The following NACAD variants were observed in gnomAD, a reference collection of about 807,000 sequenced individuals.
NACAD encodes NAC-alpha domain-containing protein 1.
A neutral mutation model predicts 98.9 loss-of-function variants in NACAD; 47 were observed. The ratio of observed to expected loss-of-function variants is 0.48; its 90% CI spans 0.38 to 0.61. NACAD has a LOEUF of 0.61. Ranked by LOEUF, NACAD falls within the 20% of genes least tolerant of loss-of-function variation. The probability of loss-of-function intolerance (pLI) is 0.00; values close to 1 mark genes in which losing one functional copy is unlikely to be tolerated. For missense variants in NACAD, 1,412 were observed against 1,748.2 expected (o/e 0.81, Z 3.43); for synonymous variants, 696 against 767.2 (o/e 0.91, Z 1.53).
chr7:45,082,377 AGAGAGC>A lies in NACAD; in HGVS notation c.3797_3802del (p.Gly1266_Leu1268delinsVal). ...TCCTGCCTGGGGCGGTGGGAGGCCC[AGAGAGC>A]CTGGGGGCTCCTCGTCTTCCACAGA... On this transcript the variant is annotated inframe_deletion, in exon 2 of 8. Coordinates refer to ENST00000490531, the MANE Select transcript of NACAD (RefSeq NM_001146334.2). The surrounding 1 kb of genome is among the most constrained non-coding windows in gnomAD (Gnocchi z 4.5). The A allele has an allele frequency of 6.5e-7, 1 of 1,550,064 alleles. No homozygotes were observed. The highest frequency in any genetic ancestry group is 1.2e-5 in the South Asian group (1 of 84,034).
At chr7:45,087,027 A>T (rs1388884353) in intron 1 of NACAD, among the ~76,000 whole-genome samples, 1 of 152,172 alleles carries the variant, frequency 6.6e-6, no homozygotes, top group Admixed American at 6.5e-5. Context: ...GGCAGGCTTC[A>T]GTATGAGGAG....
chr7:45,083,313 G>C lies in NACAD; in HGVS notation c.2867C>G (p.Pro956Arg). The change falls in exon 2 of 8, where the codon CCA (proline) becomes CGA (arginine). Residue 956 changes from proline to arginine, a missense_variant. Around this residue, in one of 5 missense-constraint regions of NACAD, gnomAD observed 572 missense variants for 639.6 expected, o/e 0.89. Coordinates refer to ENST00000490531, the MANE Select transcript of NACAD (RefSeq NM_001146334.2). ...CATGGTGGCCACAGGCTCTGTCCCT[G>C]GGGCACAGCCTGCTTCTGCCTGCAA... is the stretch of plus-strand genomic sequence containing the variant. ...QTLQAEAGCAPGTEPVATMAQ... is the reference protein window; with the variant it reads ...QTLQAEAGCARGTEPVATMAQ... The C allele has an allele frequency of 2.6e-6, 4 of 1,551,194 alleles. No individual in the cohort carries two copies. Among genetic ancestry groups the C allele is most frequent in the Non-Finnish European group, 3.5e-6 (4 of 1,146,996 alleles).
At chr7:45,086,398 C>T (rs1424373174) in intron 1 of NACAD, among the ~76,000 whole-genome samples, 3 of 152,148 alleles carry the variant, frequency 2.0e-5, no homozygotes, top group African/African-American at 7.2e-5. Flanking sequence ...GACACCTCAG[C>T]AAAGAACTAG....
chr7:45,085,742 G>A lies in NACAD; in HGVS notation c.438C>T (p.His146=), dbSNP rs562747319. ...RTALRDQEGG[H]ASPDPPPELC... ...GCTCGGGGGGTGGGTCTGGGCTTGC[G>A]TGCCCACCCTCCTGGTCCCTGAGCG... The change falls in exon 2 of 8, where the codon CAC becomes CAT. Residue 146 remains histidine, a synonymous_variant. Transcript: ENST00000490531. This position sits in a 1 kb window ranked among gnomAD's most constrained non-coding sequence, Gnocchi z 6.1. The A allele has an allele frequency of 2.9e-5, 45 of 1,549,762 alleles. No homozygotes were observed. In the South Asian group the frequency reaches 3.5e-4, roughly 12 times the overall value.
In NACAD at chr7:45,085,021, C is replaced by T. The variant is rs1267689050; in HGVS notation, c.1159G>A (p.Ala387Thr). ...AFAFRDDTSA[A>T]SSDSDSASYA... is the part of the protein sequence containing the mutation. ...GAGGCTGAGTCTGAATCAGAGGAGG[C>T]TGCAGAGGTGTCGTCCCGGAAGGCA... The change falls in exon 2 of 8, where the codon GCC (alanine) becomes ACC (threonine). Residue 387 changes from alanine to threonine, a missense_variant. Ala to Thr is a moderately conservative substitution (Grantham distance 58, BLOSUM62 0). Coordinates refer to ENST00000490531, the MANE Select transcript of NACAD (RefSeq NM_001146334.2). This position sits in a 1 kb window ranked among gnomAD's most constrained non-coding sequence, Gnocchi z 6.1. The T allele has an allele frequency of 8.4e-6, 13 of 1,550,884 alleles. No homozygotes were observed. Among genetic ancestry groups the T allele is most frequent in the Non-Finnish European group, 1.1e-5 (13 of 1,146,840 alleles).
rs1436683522 is a variant in NACAD at position 45,085,462 on chromosome 7, C to A, written c.718G>T (p.Ala240Ser). The A allele has an allele frequency of 1.9e-6, 3 of 1,550,258 alleles. No homozygotes were observed. Among genetic ancestry groups the A allele is most frequent in the Non-Finnish European group, 2.6e-6 (3 of 1,146,670 alleles). Residue 240 changes from alanine to serine, a missense_variant, in exon 2 of 8, where the codon GCT (alanine) becomes TCT (serine). This residue lies in a region of NACAD where 638 missense variants were observed against 722.7 expected (regional missense o/e 0.88). Transcript: ENST00000490531. The surrounding 1 kb of genome is among the most constrained non-coding windows in gnomAD (Gnocchi z 6.1). ...SSPSCSLSLL[A>S]PAEGLDFPSG... ...GGGAAGTCCAGCCCTTCAGCCGGAG[C>A]CAGCAGGCTGAGGGAACAGGAGGGT...
rs1312231771 is a variant in NACAD, at chr7:45,083,004, T to C, written c.3176A>G (p.His1059Arg). ...GTCAGGCTTAGCCCCATCACCTGTG[T>C]GCGCTCGCGCTTCCAGACATGCTTC... ...GREACLEARA[H>R]TGDGAKPDSP... is the part of the protein sequence containing the mutation. Residue 1059 changes from histidine (H) to arginine (R), a missense_variant, in exon 2 of 8, where the codon CAC becomes CGC. Coordinates refer to ENST00000490531, the MANE Select transcript of NACAD (RefSeq NM_001146334.2). 1 of 1,550,944 alleles carries C rather than the reference T, an allele frequency of 6.4e-7. No individual in the cohort carries two copies. The highest frequency in any genetic ancestry group is 2.4e-5 in the East Asian group (1 of 40,922).
In NACAD at chr7:45,088,952, C is replaced by T. The variant is rs952109661; in HGVS notation, c.-58G>A. 8.5e-5 allele frequency: 107 copies of T among 1,255,848 alleles called. No homozygotes were observed. Among genetic ancestry groups the T allele is most frequent in the Non-Finnish European group, 9.7e-5 (97 of 995,078 alleles). 77.8% of individuals were successfully genotyped at this position (1,255,848 alleles called of 1,614,324 possible). On this transcript the variant is annotated 5_prime_UTR_variant, in exon 1 of 8. Coordinates refer to ENST00000490531, the MANE Select transcript of NACAD (RefSeq NM_001146334.2). The surrounding 1 kb of genome is among the most constrained non-coding windows in gnomAD (Gnocchi z 5.7). ...CTTCCGACCCTCCGTCAGTCCGTGC[C>T]GCCGCCCCGCCGAGCCTGCGCGGCC... is the stretch of plus-strand genomic sequence containing the variant.
rs775527196 is a variant in NACAD, at chr7:45,084,971, C to T, written c.1209G>A (p.Arg403=). 8.4e-6 allele frequency: 13 copies of T among 1,551,044 alleles called. No homozygotes were observed. The African/African-American group carries it at 1.8e-4, about 21-fold the overall frequency. ...SASYAEADDE[R]LYSGEPHAQA... ...GGGCATGGGGCTCCCCGCTGTACAG[C>T]CTCTCATCATCTGCCTCTGCGTAGG... Residue 403 remains arginine (R), a synonymous_variant, in exon 2 of 8, where the codon AGG becomes AGA. Coordinates refer to ENST00000490531, the MANE Select transcript of NACAD (RefSeq NM_001146334.2).
In NACAD at chr7:45,084,692, C is replaced by T. The variant is rs1784483594; in HGVS notation, c.1488G>A (p.Val496=). 6.4e-7 allele frequency: 1 copy of T among 1,551,220 alleles called. No homozygotes were observed. The highest frequency in any genetic ancestry group is 8.7e-7 in the Non-Finnish European group (1 of 1,146,870). Residue 496 remains valine (V), a synonymous_variant, in exon 2 of 8, where the codon GTG becomes GTA. Coordinates refer to ENST00000490531, the MANE Select transcript of NACAD (RefSeq NM_001146334.2). Reference sequence around the variant, plus strand: ...GTGGGGTCACTCTGGTAGCCACCTCCACCTGGAGGCCTGGGGCTACCTGCA... The same window carrying T: ...GTGGGGTCACTCTGGTAGCCACCTCTACCTGGAGGCCTGGGGCTACCTGCA... ...HTLQVAPGLQ[V]EVATRVTPQA...
At position 45,086,124 on chromosome 7, in the gene NACAD, GAGA is replaced by G. The variant is rs1562929242; in HGVS notation, c.68-15_68-13del. On this transcript the variant is annotated splice_polypyrimidine_tract_variant and intron_variant, in intron 1 of 7. Coordinates refer to ENST00000490531, the MANE Select transcript of NACAD (RefSeq NM_001146334.2). ...ATCGCAGGACAGATCTGTGGAGATA[GAGA>G]AGATCATGAGGTGCCCCTGGATGCA... 5.2e-6 allele frequency: 8 copies of G among 1,534,972 alleles called. No homozygotes were observed. Among genetic ancestry groups the G allele is most frequent in the Non-Finnish European group, 7.0e-6 (8 of 1,146,464 alleles).
chr7:45,082,770 G>A lies in NACAD; in HGVS notation c.3410C>T (p.Pro1137Leu), dbSNP rs1277994526. 4.5e-6 allele frequency: 7 copies of A among 1,548,968 alleles called. No homozygotes were observed. In the East Asian group the frequency reaches 1.7e-4, roughly 38 times the overall value. Residue 1137 changes from proline to leucine, a missense_variant, in exon 2 of 8, where the codon CCC becomes CTC. Coordinates refer to ENST00000490531, the MANE Select transcript of NACAD (RefSeq NM_001146334.2). The surrounding 1 kb of genome is among the most constrained non-coding windows in gnomAD (Gnocchi z 4.5). ...RGLSGKSTPE[P>L]TLPSAVATEA... Reference sequence around the variant, plus strand: ...TGTGGCCACAGCTGAGGGAAGCGTGGGCTCCGGGGTGGACTTGCCACTCAG... The same window carrying A: ...TGTGGCCACAGCTGAGGGAAGCGTGAGCTCCGGGGTGGACTTGCCACTCAG...
chr7:45,081,052 G>A (rs1450084158), intron 5 of NACAD, 30 bp from the exon 6 acceptor site: 2 of 1,550,972 alleles, frequency 1.3e-6, no homozygotes. Flanking sequence ...TGTGTCAGTA[G>A]AGCCTGTCCC....
At chr7:45,086,181 G>C (rs1784520330) in intron 1 of NACAD, 69 bp from the exon 2 acceptor site, 1 of 1,473,214 alleles carries the variant, frequency 6.8e-7, no homozygotes, top group Admixed American at 2.2e-5. Context: ...GGCCCGGGGA[G>C]ATGAATTCCG....
chr7:45,087,739 AG>A (rs1434816098), intron 1 of NACAD, among the ~76,000 whole-genome samples: 1 of 152,142 alleles, frequency 6.6e-6, no homozygotes, highest in Non-Finnish European at 1.5e-5. Flanking sequence ...TCCTGAGACA[AG>A]GGGGTCCTTT....
At chr7:45,086,549 C>T (rs1784525552) in intron 1 of NACAD, among the ~76,000 whole-genome samples, 2 of 152,200 alleles carry the variant, frequency 1.3e-5, no homozygotes, top group South Asian at 2.1e-4. Flanking sequence ...CCAATAGATG[C>T]GCCACATGAG....
At position 45,086,725 on chromosome 7, in the gene NACAD, A is replaced by G. The variant is rs373553692; in HGVS notation, c.68-613T>C. Among the ~76,000 whole-genome samples, 24 of 152,234 alleles carry G rather than the reference A, an allele frequency of 1.6e-4. 2 individuals carry two copies. Among genetic ancestry groups the G allele is most frequent in the Admixed American group, 1.2e-3 (19 of 15,288 alleles). ...CCTCCTGCACCCAGGGAGATGGGGAAGCCAGGGGCCACCACACGCAGCCAA... is the reference window on the plus strand; with the variant it reads ...CCTCCTGCACCCAGGGAGATGGGGAGGCCAGGGGCCACCACACGCAGCCAA... On this transcript the variant is annotated intron_variant, in intron 1 of 7. Coordinates refer to ENST00000490531, the MANE Select transcript of NACAD (RefSeq NM_001146334.2).
Position 45,084,929 on chromosome 7 carries a change from C to A in NACAD, c.1251G>T (p.Gln417His). 1 of 1,551,208 alleles carries A rather than the reference C, an allele frequency of 6.4e-7. No homozygotes were observed. Among genetic ancestry groups the A allele is most frequent in the Non-Finnish European group, 8.7e-7 (1 of 1,146,998 alleles). ...CCTCCTCTGTCTTCTGGACACTGTC[C>A]TGGAGCAAAGTGGCCTGGGCATGGG... The part of the protein sequence containing the change: ...GEPHAQATLL[Q>H]DSVQKTEEES... The change falls in exon 2 of 8, where the codon CAG (glutamine) becomes CAT (histidine). Residue 417 changes from glutamine (Q) to histidine (H), a missense_variant. Gln to His is a conservative substitution (Grantham distance 24, BLOSUM62 0). Transcript: ENST00000490531.
chr7:45,081,682 G>A lies in NACAD; in HGVS notation c.4186-10C>T. 2 of 1,551,436 alleles carry A rather than the reference G, an allele frequency of 1.3e-6. No individual in the cohort carries two copies. The highest frequency in any genetic ancestry group is 2.4e-5 in the South Asian group (2 of 84,068). On this transcript the variant is annotated splice_polypyrimidine_tract_variant and intron_variant, in intron 3 of 7. Coordinates refer to ENST00000490531, the MANE Select transcript of NACAD (RefSeq NM_001146334.2). ...TGCCGCCTGCTGGGGCCTGAGAAAA[G>A]GTGAGGGCTGAGCATCCATGGGTGG...
Sources: gnomAD v4.1 joint callset for allele counts (sites outside exome capture counted in the v4.1 genomes callset) on GRCh38, gnomAD v4.1.1 for gene constraint, gnomAD v4.1.1 regional missense constraint, Gnocchi (gnomAD v3.1) non-coding constraint, MANE v1.5 for transcripts, NCBI Gene and HGNC (gene_info 2026-07-23, HGNC 2026-07-21) for gene names.